Variants in PRIMA1 observed in about 807,000 individuals in gnomAD.
The protein encoded by PRIMA1 is proline-rich membrane anchor 1.
Under a neutral mutation model 17.5 loss-of-function variants are expected in PRIMA1, and 7 were observed. The ratio of observed to expected loss-of-function variants is 0.40; its 90% confidence interval spans 0.23 to 0.75. The LOEUF is 0.75. PRIMA1 is among the 30% of genes least tolerant of loss of function. PRIMA1 has a pLI of 0.37. For synonymous variants in PRIMA1, 97 were observed against 77.9 expected (o/e 1.25, Z -1.29); for missense variants, 200 against 201.8 (o/e 0.99, Z 0.05).
chr14:93,777,482 G>A (rs549737844), intron 3 of PRIMA1, among the ~76,000 whole-genome samples: 10 of 152,140 alleles, frequency 6.6e-5, no homozygotes, highest in Admixed American at 4.6e-4. Context: ...GATTACAGGC[G>A]CCTGCCACCA....
At position 93,726,646 on chromosome 14, in the gene PRIMA1, CCA is replaced by C. The variant is rs1374815074; in HGVS notation, c.360-5102_360-5101del. 4.6e-5 allele frequency among the ~76,000 whole-genome samples: 7 copies of C among 152,068 alleles called. No individual in the cohort carries two copies. In the East Asian group the frequency reaches 7.7e-4, roughly 17 times the overall value. Reference sequence around the variant, plus strand: ...TAGACACATGTACACATGCACAAATCCACACACACATACAATATACACATACA... The same window carrying C: ...TAGACACATGTACACATGCACAAATCCACACACATACAATATACACATACA... On this transcript the variant is annotated intron_variant, in intron 4 of 4. Coordinates refer to ENST00000393140, the MANE Select transcript of PRIMA1 (RefSeq NM_178013.4). The surrounding 1 kb of genome is among the most constrained non-coding windows in gnomAD (Gnocchi z 4.2).
chr14:93,764,053 A>G (rs969679954), intron 3 of PRIMA1, among the ~76,000 whole-genome samples: 3 of 150,918 alleles, frequency 2.0e-5, no homozygotes, highest in Non-Finnish European at 4.4e-5. Flanking sequence ...CCCTCATACC[A>G]TGTCTGGTCG....
At chr14:93,744,421 C>A (rs548527627) in intron 3 of PRIMA1, among the ~76,000 whole-genome samples, 4 of 152,254 alleles carry the variant, frequency 2.6e-5, no homozygotes, top group African/African-American at 9.6e-5. Flanking sequence ...GGTGCCAGGG[C>A]GTCCACCTCC....
chr14:93,724,243 C>T (rs560021227), intron 4 of PRIMA1, among the ~76,000 whole-genome samples: 4 of 152,304 alleles, frequency 2.6e-5, no homozygotes, highest in Non-Finnish European at 5.9e-5. Flanking sequence ...CTCCACCCCC[C>T]TCTTAGAGAT....
chr14:93,740,520 G>T (rs548305786), intron 3 of PRIMA1, among the ~76,000 whole-genome samples: 1 of 152,304 alleles, frequency 6.6e-6, no homozygotes, highest in African/African-American at 2.4e-5. Flanking sequence ...CACCACAAAG[G>T]GAAGCAATTT....
chr14:93,763,858 C>T (rs1884806879), intron 3 of PRIMA1, among the ~76,000 whole-genome samples: 1 of 152,118 alleles, frequency 6.6e-6, no homozygotes, highest in Non-Finnish European at 1.5e-5. Flanking sequence ...GTGCCTCCAC[C>T]CCACATCCTT....
At chr14:93,776,398 C>T (rs1488530671) in intron 3 of PRIMA1, among the ~76,000 whole-genome samples, 4 of 152,164 alleles carry the variant, frequency 2.6e-5, no homozygotes, top group Non-Finnish European at 5.9e-5. Context: ...CATGAGTTCT[C>T]TCTGTACTCA....
chr14:93,777,783 T>G (rs911245109), intron 3 of PRIMA1, among the ~76,000 whole-genome samples: 32 of 152,212 alleles, frequency 2.1e-4, no homozygotes, highest in African/African-American at 6.8e-4. Context: ...TGGCCTTCCC[T>G]GGGAGGGCTG....
At chr14:93,785,978 C>T (rs1167838563) in intron 2 of PRIMA1, among the ~76,000 whole-genome samples, 2 of 152,106 alleles carry the variant, frequency 1.3e-5, no homozygotes, top group African/African-American at 4.8e-5. Context: ...ACTGCTTTCA[C>T]AAAATTATTT....
chr14:93,749,981 G>A (rs546370714), intron 3 of PRIMA1, among the ~76,000 whole-genome samples: 1 of 152,344 alleles, frequency 6.6e-6, no homozygotes, highest in South Asian at 2.1e-4. Context: ...AGGAGTTCGA[G>A]ACCAGCCTAG....
intron 2 of PRIMA1, among the ~76,000 whole-genome samples, chr14:93,784,038 G>A (rs1885455622): frequency 6.6e-6 from 1 of 152,104 alleles, no homozygotes; most frequent in Non-Finnish European, 1.5e-5. Flanking sequence ...ACCTGAACCA[G>A]GCCACCATCA....
chr14:93,726,532 A>G lies in PRIMA1; in HGVS notation c.360-4986T>C, dbSNP rs1199613374. Reference sequence around the variant, plus strand: ...GCGTAACACACACAGGCACGTACACATAGACACATGTACACATGCACAAAT... The same window carrying G: ...GCGTAACACACACAGGCACGTACACGTAGACACATGTACACATGCACAAAT... On this transcript the variant is annotated intron_variant, in intron 4 of 4. Coordinates refer to ENST00000393140, the MANE Select transcript of PRIMA1 (RefSeq NM_178013.4). The surrounding 1 kb of genome is among the most constrained non-coding windows in gnomAD (Gnocchi z 4.2). Among the ~76,000 whole-genome samples, 3 of 151,954 alleles carry G rather than the reference A, an allele frequency of 2.0e-5. No homozygotes were observed. In the East Asian group the frequency reaches 5.8e-4, roughly 29 times the overall value.
At chr14:93,740,998 C>T (rs1415945931) in intron 3 of PRIMA1, among the ~76,000 whole-genome samples, 6 of 152,132 alleles carry the variant, frequency 3.9e-5, no homozygotes, top group Non-Finnish European at 4.4e-5. Flanking sequence ...AGCAGTGAGC[C>T]CATGGTTCAC....
Position 93,726,296 on chromosome 14 carries a change from C to T in PRIMA1, c.360-4750G>A. Among the ~76,000 whole-genome samples the T allele has an allele frequency of 6.6e-6, 1 of 152,202 alleles. No homozygotes were observed. Among genetic ancestry groups the T allele is most frequent in the East Asian group, 1.9e-4 (1 of 5,190 alleles). ...TTAGGCCCTGCTGATCATGATGTGA[C>T]AGCCTCCCGCTCAGCCTGCTGCTCT... On this transcript the variant is annotated intron_variant, in intron 4 of 4. Transcript: ENST00000393140. The surrounding 1 kb of genome is among the most constrained non-coding windows in gnomAD (Gnocchi z 4.2).
At chr14:93,751,972 C>T (rs762363438) in intron 3 of PRIMA1, among the ~76,000 whole-genome samples, 22 of 152,296 alleles carry the variant, frequency 1.4e-4, no homozygotes, top group Admixed American at 4.6e-4. Context: ...AATAGCTACA[C>T]GTGGTTAATG....
At chr14:93,737,413 G>A in intron 3 of PRIMA1, 43 bp from the exon 4 acceptor site, 1 of 1,602,266 alleles carries the variant, frequency 6.2e-7, no homozygotes, top group Non-Finnish European at 8.5e-7. Context: ...TGGATGAGCT[G>A]GTCATGGCCA....
chr14:93,775,205 C>A lies in PRIMA1; in HGVS notation c.229+3971G>T, dbSNP rs577479072. On this transcript the variant is annotated intron_variant, in intron 3 of 4. Transcript: ENST00000393140. ...GATGAGCAAATGGGACAAGGACTGG[C>A]ACATGCCTTGAGCCAGTGAATCCAG... Among the ~76,000 whole-genome samples, 6 of 152,356 alleles carry A rather than the reference C, an allele frequency of 3.9e-5. 1 individual carries two copies. The highest frequency in any genetic ancestry group is 1.4e-4 in the African/African-American group (6 of 41,584).
At chr14:93,784,172 G>A (rs1043491349) in intron 2 of PRIMA1, among the ~76,000 whole-genome samples, 1 of 152,104 alleles carries the variant, frequency 6.6e-6, no homozygotes, top group African/African-American at 2.4e-5. Context: ...ATATTATATG[G>A]GAAAGATGCT....
At chr14:93,763,186 G>A (rs2141181347) in intron 3 of PRIMA1, among the ~76,000 whole-genome samples, 1 of 152,248 alleles carries the variant, frequency 6.6e-6, no homozygotes, top group South Asian at 2.1e-4. Context: ...ATACAGAAAT[G>A]CTCAAGAAAT....
Sources: gnomAD v4.1 joint callset for allele counts (sites outside exome capture counted in the v4.1 genomes callset) on GRCh38, gnomAD v4.1.1 for gene constraint, Gnocchi (gnomAD v3.1) non-coding constraint, MANE v1.5 for transcripts, NCBI Gene and HGNC (gene_info 2026-07-23, HGNC 2026-07-21) for gene names.